Variants in AFF2 observed in about 807,000 individuals in gnomAD.
AFF2 encodes AF4/FMR2 family member 2.
In AFF2, 14 loss-of-function variants were observed where a neutral mutation model predicts 76.9. The observed-to-expected ratio is 0.18, with a 90% CI of 0.12 to 0.28. The LOEUF is 0.28. Among genes scored for constraint, AFF2 ranks in the 10% least tolerant of loss-of-function variants. AFF2 has a pLI of 1.00. For synonymous variants in AFF2, 398 were observed against 366.7 expected, an observed-to-expected ratio of 1.09 and a Z score of -0.98; for missense variants, 868 against 1,001.1, an observed-to-expected ratio of 0.87 and a Z score of 1.79.
At position 148,501,056 on chromosome X, in the gene AFF2, G is replaced by C. The variant is rs782726706; in HGVS notation, c.-42G>C. ...GCCGAGAGCCGCGCCGACCCGCTGC[G>C]ATCAGGGACAGGCGCCCGCCCGCCG... On this transcript the variant is annotated 5_prime_UTR_variant, in exon 1 of 21. Coordinates refer to ENST00000370460, the MANE Select transcript of AFF2 (RefSeq NM_002025.4). 1 of 1,197,398 alleles carries C rather than the reference G, an allele frequency of 8.4e-7. No individual in the cohort carries two copies. The highest frequency in any genetic ancestry group is 1.8e-5 in the African/African-American group (1 of 55,123).
At chrX:148,715,066 C>G (rs782179368) in intron 3 of AFF2, among the ~76,000 whole-genome samples, 1 of 110,813 alleles carries the variant, frequency 9.0e-6, no homozygotes, top group African/African-American at 3.3e-5. Context: ...GGAATGCCGT[C>G]ACTGCAGAGG....
At chrX:148,984,511 C>T (rs2072439596) in intron 19 of AFF2, among the ~76,000 whole-genome samples, 1 of 111,590 alleles carries the variant, frequency 9.0e-6, no homozygotes, top group South Asian at 3.8e-4. Context: ...CTCTCTTAGC[C>T]ACAGTCACAA....
chrX:148,937,867 A>C (rs2071790943), intron 9 of AFF2, among the ~76,000 whole-genome samples: 1 of 112,593 alleles, frequency 8.9e-6, no homozygotes, highest in African/African-American at 3.2e-5. Flanking sequence ...CAACTTGTTC[A>C]TAAAATTTGT....
intron 2 of AFF2, among the ~76,000 whole-genome samples, chrX:148,657,662 G>C (rs985739763): frequency 1.8e-5 from 2 of 112,312 alleles, no homozygotes; most frequent in Non-Finnish European, 3.8e-5. Context: ...CTTGGAAAAT[G>C]CATTTCCTGA....
At chrX:148,629,655 A>G (rs1469313782) in intron 1 of AFF2, among the ~76,000 whole-genome samples, 2 of 111,793 alleles carry the variant, frequency 1.8e-5, no homozygotes, top group Non-Finnish European at 3.8e-5. Flanking sequence ...CCCACTTAGA[A>G]TCACAAGGAA....
chrX:148,836,588 G>A (rs1851678106), intron 4 of AFF2, among the ~76,000 whole-genome samples: 1 of 110,403 alleles, frequency 9.1e-6, no homozygotes, highest in African/African-American at 3.3e-5. Flanking sequence ...TTTCTATCAT[G>A]ACTTTTTTTT....
rs1158434249 is a variant in AFF2, at chrX:148,993,213, T to C, written c.*1881T>C. On this transcript the variant is annotated 3_prime_UTR_variant, in exon 21 of 21. Transcript: ENST00000370460. ...ATCCCTGCAGCTGAACCCAGCACTT[T>C]TTATGCTCCCACTGTGGTTGAGCTT... is the stretch of plus-strand genomic sequence containing the variant. The C allele has an allele frequency of 2.7e-5, 3 of 112,907 alleles. No individual in the cohort carries two copies. The highest frequency in any genetic ancestry group is 5.6e-5 in the Non-Finnish European group (3 of 53,356). 9.3% of individuals were successfully genotyped at this position (112,907 alleles called of 1,213,427 possible).
intron 4 of AFF2, chrX:148,822,382 GATCAGTTGA>G (rs2070338932): frequency 9.0e-6 from 1 of 111,379 alleles, no homozygotes; most frequent in Admixed American, 9.5e-5. Flanking sequence ...TAGCCAGCCA[GATCAGTTGA>G]ATCAAACCTG....
At chrX:148,755,623 T>C (rs186010901) in intron 3 of AFF2, among the ~76,000 whole-genome samples, 27 of 112,264 alleles carry the variant, frequency 2.4e-4, no homozygotes, top group Admixed American at 2.4e-3. Context: ...ACAAAGGAAT[T>C]ATACAGAATT....
At chrX:148,927,897 T>A (rs2071671178) in intron 9 of AFF2, among the ~76,000 whole-genome samples, 1 of 112,226 alleles carries the variant, frequency 8.9e-6, no homozygotes, top group Non-Finnish European at 1.9e-5. Context: ...TCAGGTGGTA[T>A]TTCCATGTGC....
At chrX:148,700,936 G>C (rs1341300336) in intron 3 of AFF2, among the ~76,000 whole-genome samples, 2 of 109,193 alleles carry the variant, frequency 1.8e-5, no homozygotes, top group African/African-American at 6.7e-5. Context: ...TTCATAATTT[G>C]GGGCCTTTGC....
At chrX:148,501,613 C>T (rs1361089125) in intron 1 of AFF2, among the ~76,000 whole-genome samples, 1 of 113,276 alleles carries the variant, frequency 8.8e-6, no homozygotes, top group Non-Finnish European at 1.9e-5. Flanking sequence ...TGGTGGCCAC[C>T]GCCCCCGCTG....
intron 7 of AFF2, among the ~76,000 whole-genome samples, chrX:148,876,507 G>A (rs1229205557): frequency 4.5e-5 from 5 of 111,972 alleles, no homozygotes; most frequent in Non-Finnish European, 5.6e-5. Flanking sequence ...AGCTTAGCAT[G>A]CATGCATCAC....
chrX:148,754,017 G>A (rs782761026), intron 3 of AFF2, among the ~76,000 whole-genome samples: 1 of 111,398 alleles, frequency 9.0e-6, no homozygotes, highest in East Asian at 2.8e-4. Flanking sequence ...GAGCAAGGCG[G>A]TAAGTGGGGG....
intron 9 of AFF2, among the ~76,000 whole-genome samples, chrX:148,928,989 T>C (rs782101707): frequency 7.3e-4 from 82 of 112,162 alleles, no homozygotes; most frequent in Non-Finnish European, 9.4e-4. Context: ...GATGAGTCAG[T>C]TGATGGCCAG....
Position 148,837,678 on chromosome X carries a change from C to G in AFF2, c.1118C>G (p.Thr373Ser), listed in dbSNP as rs587780276. The G allele has an allele frequency of 1.7e-6, 2 of 1,202,228 alleles. No homozygotes were observed. The highest frequency in any genetic ancestry group is 2.3e-6 in the Non-Finnish European group (2 of 886,943). The change falls in exon 5 of 21, where the codon ACT (threonine) becomes AGT (serine). Residue 373 changes from threonine (T) to serine (S), a missense_variant. Thr to Ser is a moderately conservative substitution (Grantham distance 58). This residue lies in a region of AFF2 where 532 missense variants were observed against 564.2 expected (regional missense o/e 0.94). Transcript: ENST00000370460. ...ACCCATTCCTGGCCTACTCCTCTCA[C>G]TTCCATGCATACTGCTGGACACTCT... ...EMTHSWPTPLTSMHTAGHSEQ... is the reference protein window; with the variant it reads ...EMTHSWPTPLSSMHTAGHSEQ...
intron 7 of AFF2, among the ~76,000 whole-genome samples, chrX:148,884,585 C>T (rs1321345658): frequency 8.9e-6 from 1 of 112,784 alleles, no homozygotes; most frequent in Non-Finnish European, 1.9e-5. Context: ...TGAGCTTCAG[C>T]AAAGCAATTC....
chrX:148,977,788 A>G, intron 16 of AFF2, 145 bp from the exon 17 acceptor site: 2 of 480,831 alleles, frequency 4.2e-6, no homozygotes, highest in South Asian at 3.4e-5. Flanking sequence ...TCGGGGAAGC[A>G]TGCTTTTGCC....
intron 3 of AFF2, among the ~76,000 whole-genome samples, chrX:148,732,757 T>C (rs781988433): frequency 5.4e-5 from 6 of 110,161 alleles, no homozygotes; most frequent in Admixed American, 9.7e-5. Flanking sequence ...AGGTGATCCA[T>C]GCACTCATTC....
Sources: gnomAD v4.1 joint callset for allele counts (sites outside exome capture counted in the v4.1 genomes callset) on GRCh38, gnomAD v4.1.1 for gene constraint, gnomAD v4.1.1 regional missense constraint, MANE v1.5 for transcripts, NCBI Gene and HGNC (gene_info 2026-07-23, HGNC 2026-07-21) for gene names.